Variants in PACRG observed in about 807,000 individuals in gnomAD.
PACRG encodes the protein parkin coregulated gene protein.
A neutral mutation model predicts 29.7 loss-of-function variants in PACRG; 29 were observed. That is an observed-to-expected ratio of 0.98 (90% CI 0.73 to 1.33). The LOEUF (loss-of-function observed/expected upper bound fraction) is 1.33, where lower values mean the gene tolerates loss of function less well. PACRG is among the 40% of genes most tolerant of loss of function. PACRG has a pLI of 0.00. For missense variants in PACRG, 279 were observed against 316.2 expected (o/e 0.88, Z 0.89); for synonymous variants, 116 against 118.7 (o/e 0.98, Z 0.15).
At chr6:162,734,224 T>C (rs1779988044) in intron 1 of PACRG, among the ~76,000 whole-genome samples, 1 of 152,130 alleles carries the variant, frequency 6.6e-6, no homozygotes, top group South Asian at 2.1e-4. Context: ...GTTACACATG[T>C]TCATTGAAAA....
At chr6:163,112,447 GA>G (rs1815766060) in intron 4 of PACRG, among the ~76,000 whole-genome samples, 1 of 152,182 alleles carries the variant, frequency 6.6e-6, no homozygotes. Context: ...TGCAAACACA[GA>G]GGGGGCAACT....
intron 2 of PACRG, among the ~76,000 whole-genome samples, chr6:162,821,943 T>C (rs540455357): frequency 6.6e-6 from 1 of 152,226 alleles, no homozygotes; most frequent in Non-Finnish European, 1.5e-5. Flanking sequence ...TTGTTTGATG[T>C]TTTCCTTTGA....
At chr6:163,253,745 A>G (rs1290366474) in intron 4 of PACRG, among the ~76,000 whole-genome samples, 1 of 152,180 alleles carries the variant, frequency 6.6e-6, no homozygotes, top group South Asian at 2.1e-4. Flanking sequence ...ACACAAAACT[A>G]TCTTCCCTCA....
intron 4 of PACRG, among the ~76,000 whole-genome samples, chr6:163,131,806 C>A (rs1386010776): frequency 2.0e-5 from 3 of 152,188 alleles, no homozygotes; most frequent in African/African-American, 7.2e-5. Context: ...TAAACTTTGA[C>A]TTATTTTTTG....
chr6:163,099,343 T>C (rs1263473188), intron 4 of PACRG, among the ~76,000 whole-genome samples: 2 of 152,196 alleles, frequency 1.3e-5, no homozygotes, highest in Admixed American at 6.5e-5. Context: ...GAAATCTGTA[T>C]AATATGCTTT....
At chr6:163,042,222 G>T (rs1204562543) in intron 2 of PACRG, among the ~76,000 whole-genome samples, 1 of 152,166 alleles carries the variant, frequency 6.6e-6, no homozygotes, top group Non-Finnish European at 1.5e-5. Flanking sequence ...GGCCATGGAA[G>T]ATCACAACAA....
intron 2 of PACRG, among the ~76,000 whole-genome samples, chr6:162,846,828 C>T (rs1238013597): frequency 6.6e-6 from 1 of 152,244 alleles, no homozygotes; most frequent in African/African-American, 2.4e-5. Flanking sequence ...GCTCCGCACA[C>T]TGTCCACTGT....
At chr6:163,217,134 C>G (rs1336472543) in intron 4 of PACRG, among the ~76,000 whole-genome samples, 8 of 152,186 alleles carry the variant, frequency 5.3e-5, no homozygotes, top group African/African-American at 1.4e-4. Flanking sequence ...TGGGCAGAAC[C>G]AGGCTTGGCG....
intron 4 of PACRG, among the ~76,000 whole-genome samples, chr6:163,236,191 C>G (rs561487530): frequency 1.3e-5 from 2 of 152,278 alleles, no homozygotes; most frequent in South Asian, 4.1e-4. Context: ...CTGTTCTCCT[C>G]CCATCTGCCA....
chr6:163,259,729 C>T (rs149274873), intron 4 of PACRG, among the ~76,000 whole-genome samples: 50 of 152,300 alleles, frequency 3.3e-4, no homozygotes, highest in African/African-American at 1.1e-3. Context: ...AGTACGCCTT[C>T]CCAGCTGTTC....
At chr6:163,068,736 G>A (rs556263656) in intron 3 of PACRG, among the ~76,000 whole-genome samples, 11 of 151,818 alleles carry the variant, frequency 7.2e-5, no homozygotes, top group Admixed American at 5.3e-4. Context: ...TCTATCTTCC[G>A]AAATTGTGAA....
intron 2 of PACRG, among the ~76,000 whole-genome samples, chr6:163,005,377 T>C (rs1804969149): frequency 6.6e-6 from 1 of 152,068 alleles, no homozygotes; most frequent in Non-Finnish European, 1.5e-5. Context: ...ACTCATTTCT[T>C]AAGGTTGAAC....
intron 1 of PACRG, among the ~76,000 whole-genome samples, chr6:162,770,542 T>C (rs1258493125): frequency 2.0e-5 from 3 of 152,166 alleles, no homozygotes; most frequent in African/African-American, 7.2e-5. Context: ...CAATCACATT[T>C]CCTCAACTTT....
chr6:163,014,650 T>G (rs75252339), intron 2 of PACRG, among the ~76,000 whole-genome samples: 1 of 152,224 alleles, frequency 6.6e-6, no homozygotes, highest in Non-Finnish European at 1.5e-5. Context: ...CTTGTGTATC[T>G]TCTTTTGAGA....
rs570625989 is a variant in PACRG at position 163,061,245 on chromosome 6, C to G, written c.292-905C>G. Among the ~76,000 whole-genome samples, 3 of 152,306 alleles carry G rather than the reference C, an allele frequency of 2.0e-5. No homozygotes were observed. The South Asian group carries it at 6.2e-4, about 32-fold the overall frequency. ...GTCTGTGGGCTCATTTCCATGTACA[C>G]TCTCACCTTCAGCTCTGCCGCCTTG... On this transcript the variant is annotated intron_variant, in intron 2 of 4. Transcript: ENST00000366888.
chr6:163,191,765 C>T (rs1160484821), intron 4 of PACRG: 1 of 456,374 alleles, frequency 2.2e-6, no homozygotes, highest in Admixed American at 2.3e-5. Context: ...CCTCTGCCCC[C>T]AGGTTGTCCA....
chr6:162,838,407 C>T (rs758338118), intron 2 of PACRG, among the ~76,000 whole-genome samples: 1 of 152,120 alleles, frequency 6.6e-6, no homozygotes, highest in African/African-American at 2.4e-5. Context: ...TGGTCCCAGA[C>T]TAGAGGTTCC....
intron 4 of PACRG, among the ~76,000 whole-genome samples, chr6:163,265,983 C>T (rs1783517647): frequency 6.6e-6 from 1 of 152,188 alleles, no homozygotes; most frequent in South Asian, 2.1e-4. Flanking sequence ...GCATTAAATT[C>T]ATTCTGTCAA....
intron 1 of PACRG, among the ~76,000 whole-genome samples, chr6:162,755,223 G>C (rs1781813158): frequency 6.6e-6 from 1 of 151,696 alleles, no homozygotes; most frequent in South Asian, 2.1e-4. Context: ...TCAATTTTGT[G>C]TATCTTTGCA....
Sources: gnomAD v4.1 joint callset for allele counts (sites outside exome capture counted in the v4.1 genomes callset) on GRCh38, gnomAD v4.1.1 for gene constraint, MANE v1.5 for transcripts, NCBI Gene and HGNC (gene_info 2026-07-23, HGNC 2026-07-21) for gene names.